DAB1: variants seen among roughly 807,000 people sequenced by gnomAD.
DAB1 encodes DAB adaptor protein 1.
A neutral mutation model predicts 64.6 loss-of-function variants in DAB1; 15 were observed. The observed-to-expected ratio is 0.23, with a 90% CI of 0.16 to 0.36. The LOEUF (loss-of-function observed/expected upper bound fraction) is 0.36. Among genes scored for constraint, DAB1 ranks in the 10% least tolerant of loss-of-function variants. DAB1 has a pLI of 1.00. For missense variants in DAB1, 596 were observed against 706.7 expected (o/e 0.84, Z 1.78); for synonymous variants, 235 against 251.9 (o/e 0.93, Z 0.64).
At chr1:58,384,192 C>G (rs558577844) in intron 3 of DAB1, among the ~76,000 whole-genome samples, 7 of 151,710 alleles carry the variant, frequency 4.6e-5, no homozygotes, top group African/African-American at 1.5e-4. Flanking sequence ...TACAATGGAA[C>G]ATTATTCAGC....
intron 1 of DAB1, among the ~76,000 whole-genome samples, chr1:57,298,311 C>T (rs1406705683): frequency 6.6e-6 from 1 of 152,102 alleles, no homozygotes; most frequent in Non-Finnish European, 1.5e-5. Context: ...GGTACAAGTG[C>T]TATAGAAACT....
chr1:57,939,526 A>G (rs1645073501), intron 5 of DAB1, among the ~76,000 whole-genome samples: 1 of 152,194 alleles, frequency 6.6e-6, no homozygotes, highest in African/African-American at 2.4e-5. Context: ...CAATTTCATC[A>G]GCTCTCTATT....
At chr1:58,537,787 T>G (rs542024323) in intron 1 of DAB1, among the ~76,000 whole-genome samples, 5 of 152,324 alleles carry the variant, frequency 3.3e-5, no homozygotes, top group Admixed American at 3.3e-4. Flanking sequence ...TCGAGTATAC[T>G]TATTTCCTAT....
intron 6 of DAB1, among the ~76,000 whole-genome samples, chr1:57,807,004 G>A (rs958518506): frequency 2.3e-4 from 35 of 152,310 alleles, no homozygotes; most frequent in Non-Finnish European, 3.5e-4. Context: ...TTTGTTGAAT[G>A]AGTAAATGAA....
chr1:57,524,675 G>A (rs910596099), intron 7 of DAB1, among the ~76,000 whole-genome samples: 1 of 152,144 alleles, frequency 6.6e-6, no homozygotes, highest in Middle Eastern at 3.2e-3. Context: ...TAAGGGTGGC[G>A]GAGATTACAA....
intron 1 of DAB1, among the ~76,000 whole-genome samples, chr1:57,329,718 C>T (rs947255753): frequency 1.0e-4 from 15 of 150,434 alleles, no homozygotes; most frequent in Non-Finnish European, 8.8e-5. Context: ...TACATATACA[C>T]CTCTATATTT....
At chr1:58,531,918 AGGCT>A in intron 1 of DAB1, among the ~76,000 whole-genome samples, 1 of 152,168 alleles carries the variant, frequency 6.6e-6, no homozygotes, top group South Asian at 2.1e-4. Context: ...CATGTTGGCC[AGGCT>A]GGTCTTGAAC....
chr1:57,638,833 A>G (rs1471336564), intron 7 of DAB1, among the ~76,000 whole-genome samples: 1 of 152,066 alleles, frequency 6.6e-6, no homozygotes, highest in African/African-American at 2.4e-5. Context: ...CTGGAAACAA[A>G]TACAAGGGTG....
rs148880513 is a variant in DAB1, at chr1:57,951,359, A to G, written n.388-67197T>C. Reference sequence around the variant, plus strand: ...TTCCCTGGAAACTTAAATTAGCCCAATGGATAATATGGCTAGATATTCTTT... The same window carrying G: ...TTCCCTGGAAACTTAAATTAGCCCAGTGGATAATATGGCTAGATATTCTTT... On this transcript the variant is annotated intron_variant and non_coding_transcript_variant, in intron 5 of 20. Coordinates refer to the DAB1 transcript ENST00000485760. Among the ~76,000 whole-genome samples, 28 of 87,044 alleles carry G rather than the reference A, an allele frequency of 3.2e-4. No individual in the cohort carries two copies. In the Middle Eastern group the frequency reaches 0.018, roughly 56 times the overall value. The allele number at this position is 87,044 out of a possible 152,430, so 57.1% of individuals were successfully genotyped here. A position where few individuals can be genotyped will look rare whatever the true frequency, so the allele number is the denominator to read the frequency against.
At chr1:58,007,484 G>T (rs1323565732) in intron 5 of DAB1, among the ~76,000 whole-genome samples, 1 of 152,178 alleles carries the variant, frequency 6.6e-6, no homozygotes, top group African/African-American at 2.4e-5. Flanking sequence ...GTAAGCAATA[G>T]AATTTGTTTA....
In DAB1 at chr1:57,667,333, A is replaced by T. The variant is rs575084808; in HGVS notation, n.552-17668T>A. The stretch of plus-strand genomic sequence containing the variant: ...TCAATTGTGTCCACTGGAGTTGGGC[A>T]GTGTGCAGACTGAGTTGACAGACAC... On this transcript the variant is annotated intron_variant and non_coding_transcript_variant, in intron 6 of 20. Transcript: ENST00000485760. 5.9e-5 allele frequency among the ~76,000 whole-genome samples: 9 copies of T among 152,258 alleles called. No homozygotes were observed. The South Asian group carries it at 1.9e-3, about 32-fold the overall frequency.
intron 7 of DAB1, among the ~76,000 whole-genome samples, chr1:57,557,220 A>T (rs879470970): frequency 9.1e-4 from 139 of 152,214 alleles, no homozygotes; most frequent in Non-Finnish European, 1.6e-3. Flanking sequence ...AGGCAAAAAT[A>T]TGTGAAAAGA....
At chr1:57,790,135 A>G (rs895407333) in intron 6 of DAB1, among the ~76,000 whole-genome samples, 7 of 152,140 alleles carry the variant, frequency 4.6e-5, no homozygotes, top group Non-Finnish European at 7.4e-5. Flanking sequence ...CCTTTCTGAT[A>G]TGGTTTGGCT....
intron 7 of DAB1, among the ~76,000 whole-genome samples, chr1:57,551,928 A>G (rs946735168): frequency 2.6e-5 from 4 of 152,208 alleles, no homozygotes; most frequent in Admixed American, 6.5e-5. Context: ...TTTGGATGCA[A>G]TGAATGACTT....
rs533327240 is a variant in DAB1 at position 58,341,173 on chromosome 1, T to C, written n.309+2179A>G. 8.5e-5 allele frequency among the ~76,000 whole-genome samples: 13 copies of C among 152,326 alleles called. No homozygotes were observed. In the South Asian group the frequency reaches 2.3e-3, roughly 27 times the overall value. On this transcript the variant is annotated intron_variant and non_coding_transcript_variant, in intron 4 of 20. Transcript: ENST00000485760. ...TGAGGGAGAGGAGAAATGTGTCATA[T>C]GACAGTCAAGTTTATTTTTTACAAC...
chr1:57,668,836 A>C (rs1333223432), intron 6 of DAB1, among the ~76,000 whole-genome samples: 1 of 152,030 alleles, frequency 6.6e-6, no homozygotes, highest in Non-Finnish European at 1.5e-5. Flanking sequence ...GAGTTTTTGG[A>C]CTTATTATTT....
intron 5 of DAB1, among the ~76,000 whole-genome samples, chr1:57,932,468 A>T (rs1484932748): frequency 3.5e-5 from 5 of 143,522 alleles, no homozygotes; most frequent in African/African-American, 5.1e-5. Context: ...AGCCCAGCTA[A>T]TTTTTTTTTT....
At chr1:57,553,614 T>C (rs1019187528) in intron 7 of DAB1, among the ~76,000 whole-genome samples, 1 of 151,070 alleles carries the variant, frequency 6.6e-6, no homozygotes, top group Admixed American at 6.6e-5. Flanking sequence ...TAAACTGCAG[T>C]GAGCTAAGAT....
intron 6 of DAB1, among the ~76,000 whole-genome samples, chr1:57,665,653 G>A (rs1489733944): frequency 6.6e-6 from 1 of 152,056 alleles, no homozygotes; most frequent in Admixed American, 6.6e-5. Flanking sequence ...ATGGTATGTA[G>A]CTATTACAGC....
Sources: gnomAD v4.1 joint callset for allele counts (sites outside exome capture counted in the v4.1 genomes callset) on GRCh38, gnomAD v4.1.1 for gene constraint, MANE v1.5 for transcripts, NCBI Gene and HGNC (gene_info 2026-07-23, HGNC 2026-07-21) for gene names.